CDYL2: variants seen among roughly 807,000 people sequenced by gnomAD.
CDYL2 encodes the protein chromodomain Y like 2, also known as chromodomain Y-like protein 2.
Under a neutral mutation model 49.4 loss-of-function variants are expected in CDYL2, and 23 were observed. The observed-to-expected ratio is 0.47, with a 90% CI of 0.34 to 0.66. CDYL2 has a LOEUF of 0.66. Ranked by LOEUF, CDYL2 falls within the 30% of genes least tolerant of loss-of-function variation. The pLI is 0.01. For synonymous variants in CDYL2, 360 were observed against 268.8 expected (o/e 1.34, Z -3.32); for missense variants, 678 against 656.4 (o/e 1.03, Z -0.36).
rs375310898 is a variant in CDYL2 at position 80,723,005 on chromosome 16, T to G, written c.25-37876A>C. Among the ~76,000 whole-genome samples, 55 of 152,316 alleles carry G rather than the reference T, an allele frequency of 3.6e-4. No homozygotes were observed. In the South Asian group the frequency reaches 0.011, roughly 30 times the overall value. Reference sequence around the variant, plus strand: ...AGAAGGAGAAGACATAGAGGGGCCATGGGGCCATAACCCTTTTCTGCTGCA... The same window carrying G: ...AGAAGGAGAAGACATAGAGGGGCCAGGGGGCCATAACCCTTTTCTGCTGCA... On this transcript the variant is annotated intron_variant, in intron 1 of 6. Transcript: ENST00000570137.
In CDYL2 at chr16:80,696,118, C is replaced by T. The variant is rs530602978; in HGVS notation, c.25-10989G>A. Among the ~76,000 whole-genome samples the T allele has an allele frequency of 2.6e-4, 40 of 152,138 alleles. No individual in the cohort carries two copies. In the South Asian group the frequency reaches 8.3e-3, roughly 32 times the overall value. ...AAAACCTTGAAACTGTACAAATAAT[C>T]GAAATTAAGCAATGCGTTCCTTAAC... On this transcript the variant is annotated intron_variant, in intron 1 of 6. Coordinates refer to ENST00000570137, the MANE Select transcript of CDYL2 (RefSeq NM_152342.4).
At chr16:80,655,321 T>G (rs75939965) in intron 2 of CDYL2, among the ~76,000 whole-genome samples, 3,912 of 152,264 alleles carry the variant, frequency 0.026, 136 homozygotes, top group African/African-American at 0.07. Context: ...ATCTAGTTAC[T>G]TGCCACCTCC....
intron 1 of CDYL2, among the ~76,000 whole-genome samples, chr16:80,779,655 C>T (rs1008911835): frequency 4.0e-5 from 6 of 151,890 alleles, no homozygotes; most frequent in Non-Finnish European, 5.9e-5. Context: ...ATATATGGTA[C>T]AGCATATTAA....
At chr16:80,728,091 C>G (rs1419265899) in intron 1 of CDYL2, among the ~76,000 whole-genome samples, 1 of 152,206 alleles carries the variant, frequency 6.6e-6, no homozygotes, top group Non-Finnish European at 1.5e-5. Flanking sequence ...TGGAACAAAG[C>G]TGGATGGGGA....
intron 2 of CDYL2, among the ~76,000 whole-genome samples, chr16:80,653,053 T>C (rs1908652319): frequency 6.6e-6 from 1 of 152,170 alleles, no homozygotes. Context: ...GTTCACCAGT[T>C]TCAACAACAA....
chr16:80,764,748 A>G (rs16953972), intron 1 of CDYL2, among the ~76,000 whole-genome samples: 49,902 of 151,878 alleles, frequency 0.33, 10,187 homozygotes, highest in African/African-American at 0.58. Flanking sequence ...CAACTGACTG[A>G]TAATATGGAA....
At chr16:80,802,977 C>CA (rs1907971777) in intron 1 of CDYL2, among the ~76,000 whole-genome samples, 4 of 152,022 alleles carry the variant, frequency 2.6e-5, no homozygotes, top group Admixed American at 2.6e-4. Context: ...ATTTATGTTC[C>CA]GGGAAGTGCA....
intron 1 of CDYL2, among the ~76,000 whole-genome samples, chr16:80,788,323 G>A (rs888988413): frequency 2.6e-5 from 4 of 152,194 alleles, no homozygotes; most frequent in Non-Finnish European, 4.4e-5. Flanking sequence ...GCTTAAAGTA[G>A]TATTGACAAA....
intron 1 of CDYL2, among the ~76,000 whole-genome samples, chr16:80,720,850 C>T (rs997064289): frequency 1.3e-5 from 2 of 152,132 alleles, no homozygotes; most frequent in African/African-American, 2.4e-5. Context: ...GAGAGCCGTC[C>T]GCTTCAGAAA....
intron 1 of CDYL2, among the ~76,000 whole-genome samples, chr16:80,759,150 A>ATATATATATGTTTTATATAT (rs1211358459): frequency 3.7e-5 from 3 of 80,836 alleles, no homozygotes; most frequent in African/African-American, 1.5e-4. Flanking sequence ...GGTTTATATA[A>ATATATATATGTTTTATATAT]ATATATGGTT....
At chr16:80,643,773 C>T (rs1479830652) in intron 2 of CDYL2, among the ~76,000 whole-genome samples, 1 of 152,208 alleles carries the variant, frequency 6.6e-6, no homozygotes, top group African/African-American at 2.4e-5. Context: ...GCACCAAGTC[C>T]CTAGGCTGCA....
chr16:80,789,936 G>C (rs1907556516), intron 1 of CDYL2, among the ~76,000 whole-genome samples: 1 of 152,086 alleles, frequency 6.6e-6, no homozygotes, highest in African/African-American at 2.4e-5. Flanking sequence ...AGGGGGATGA[G>C]GGTTGAAAAA....
chr16:80,654,989 T>C (rs1908743170), intron 2 of CDYL2, among the ~76,000 whole-genome samples: 1 of 152,182 alleles, frequency 6.6e-6, no homozygotes, highest in South Asian at 2.1e-4. Context: ...CTGTGGTTTC[T>C]GCAGCGGCCC....
chr16:80,664,628 T>G (rs1018418737), intron 2 of CDYL2, among the ~76,000 whole-genome samples: 1 of 152,184 alleles, frequency 6.6e-6, no homozygotes, highest in Non-Finnish European at 1.5e-5. Flanking sequence ...ACGCTAAAAA[T>G]TTTTTAAAGT....
At chr16:80,787,454 G>C (rs1029050500) in intron 1 of CDYL2, among the ~76,000 whole-genome samples, 2 of 152,130 alleles carry the variant, frequency 1.3e-5, no homozygotes, top group Admixed American at 6.5e-5. Context: ...TGATCATAAG[G>C]ATACATACAC....
intron 1 of CDYL2, among the ~76,000 whole-genome samples, chr16:80,798,585 C>T (rs954567100): frequency 6.6e-6 from 1 of 152,154 alleles, no homozygotes; most frequent in Non-Finnish European, 1.5e-5. Context: ...AGAGTATATA[C>T]TACATATAAC....
At chr16:80,710,137 C>T (rs1482482909) in intron 1 of CDYL2, among the ~76,000 whole-genome samples, 1 of 152,086 alleles carries the variant, frequency 6.6e-6, no homozygotes, top group Admixed American at 6.5e-5. Context: ...CCATGTTGGC[C>T]AGGCTGGTCT....
At chr16:80,668,952 A>G (rs573970540) in intron 2 of CDYL2, among the ~76,000 whole-genome samples, 23 of 152,166 alleles carry the variant, frequency 1.5e-4, no homozygotes, top group Admixed American at 1.0e-3. Context: ...TATATTTTCC[A>G]TACTGTTTGA....
intron 2 of CDYL2, among the ~76,000 whole-genome samples, chr16:80,649,838 C>G (rs1908510575): frequency 6.6e-6 from 1 of 152,124 alleles, no homozygotes; most frequent in South Asian, 2.1e-4. Context: ...CCATTTTAGA[C>G]AAAGGTGTCA....
Sources: allele counts gnomAD v4.1 joint callset (sites outside exome capture counted in the v4.1 genomes callset), GRCh38; gene constraint gnomAD v4.1.1; transcripts MANE v1.5; gene names NCBI Gene and HGNC (gene_info 2026-07-23, HGNC 2026-07-21).